The following ZNF461 variants were observed in gnomAD, a reference collection of about 807,000 sequenced individuals.
The protein encoded by ZNF461 is gonadotropin-inducible ovarian transcription factor-1.
In ZNF461, 16 loss-of-function variants were observed where a neutral mutation model predicts 18.3. The observed-to-expected ratio is 0.88, with a 90% CI of 0.59 to 1.33. The LOEUF is 1.33. Ranked by LOEUF, ZNF461 falls within the 40% of genes most tolerant of loss-of-function variation. ZNF461 has a pLI of 0.00. For synonymous variants in ZNF461, 179 were observed against 216.9 expected (o/e 0.83, Z 1.54); for missense variants, 595 against 669.9 (o/e 0.89, Z 1.23).
At chr19:36,663,810 G>A (rs1409111818) in intron 2 of ZNF461, among the ~76,000 whole-genome samples, 1 of 152,064 alleles carries the variant, frequency 6.6e-6, no homozygotes, top group Admixed American at 6.6e-5. Flanking sequence ...AATTACTGGC[G>A]TGAGTCACCG....
chr19:36,663,583 G>C (rs1019137364), intron 2 of ZNF461, among the ~76,000 whole-genome samples: 3 of 144,912 alleles, frequency 2.1e-5, no homozygotes, highest in Admixed American at 7.1e-5. Flanking sequence ...GCAGTGGTGT[G>C]ATCATAGCTC....
rs202104365 is a variant in ZNF461 at position 36,639,918 on chromosome 19, C to T, written c.427G>A (p.Ala143Thr). The T allele has an allele frequency of 2.8e-4, 447 of 1,613,726 alleles. 1 individual carries two copies. The highest frequency in any genetic ancestry group is 1.2e-3 in the Middle Eastern group (7 of 6,082). The change falls in exon 6 of 6, where the codon GCT becomes ACT. Residue 143 changes from alanine (A) to threonine (T), a missense_variant. Ala to Thr is a moderately conservative substitution (Grantham distance 58). Coordinates refer to ENST00000588268, the MANE Select transcript of ZNF461 (RefSeq NM_153257.5). ...SHSPERSIFS[A>T]IWEGNCHFEQ... ...AAATGACAGTTGCCTTCCCAGATAG[C>T]GCTGAAAATTGATCTCTCAGGACTA...
intron 2 of ZNF461, among the ~76,000 whole-genome samples, chr19:36,659,420 TATTGGTAGCATAAC>T (rs1280252505): frequency 1.6e-4 from 24 of 152,340 alleles, no homozygotes; most frequent in Non-Finnish European, 2.2e-4. Context: ...ATATGATTTT[TATTGGTAGCATAAC>T]ATTGGTAGCA....
intron 3 of ZNF461, chr19:36,658,023 T>TA (rs1362837995): frequency 2.8e-5 from 11 of 386,472 alleles, no homozygotes; most frequent in Non-Finnish European, 4.2e-5. Context: ...TTGACAGTGT[T>TA]ATGCTTTAAC....
intron 2 of ZNF461, 30 bp downstream of exon 2, chr19:36,664,668 G>T: frequency 1.3e-6 from 2 of 1,498,324 alleles, no homozygotes; most frequent in Non-Finnish European, 1.8e-6. Flanking sequence ...ATCAAGTATT[G>T]TAATTAGGAG....
At chr19:36,644,688 C>T (rs1045938616) in intron 4 of ZNF461, among the ~76,000 whole-genome samples, 2 of 151,626 alleles carry the variant, frequency 1.3e-5, no homozygotes, top group African/African-American at 2.4e-5. Context: ...CTCTGACTCC[C>T]GGGTTCAAGC....
chr19:36,666,364 G>C (rs945819632), intron 1 of ZNF461, among the ~76,000 whole-genome samples: 2 of 152,016 alleles, frequency 1.3e-5, no homozygotes, highest in African/African-American at 4.8e-5. Context: ...AAAATGCTGG[G>C]ATTACAGGGG....
At chr19:36,660,437 A>G (rs908261347) in intron 2 of ZNF461, among the ~76,000 whole-genome samples, 19 of 152,066 alleles carry the variant, frequency 1.2e-4, no homozygotes, top group African/African-American at 4.1e-4. Flanking sequence ...GGCATGAGCC[A>G]CTGCACCTGG....
chr19:36,654,930 C>T (rs1287119029), intron 4 of ZNF461, among the ~76,000 whole-genome samples: 1 of 152,162 alleles, frequency 6.6e-6, no homozygotes, highest in Non-Finnish European at 1.5e-5. Flanking sequence ...AGATTGAAAA[C>T]GTCTCTATAA....
In ZNF461 at chr19:36,638,304, A is replaced by G; in HGVS notation, c.*349T>C. 1 of 194,998 alleles carries G rather than the reference A, an allele frequency of 5.1e-6. No individual in the cohort carries two copies. Among genetic ancestry groups the G allele is most frequent in the Non-Finnish European group, 1.1e-5 (1 of 94,808 alleles). 12.1% of individuals were successfully genotyped at this position (194,998 alleles called of 1,614,324 possible). ...CTGTGTACAGGTTGTTTGAGCATAA[A>G]GGAAGAAGAAATACACATACTGGTT... On this transcript the variant is annotated 3_prime_UTR_variant, in exon 6 of 6. Coordinates refer to ENST00000588268, the MANE Select transcript of ZNF461 (RefSeq NM_153257.5).
At chr19:36,651,136 C>T (rs1003506055) in intron 4 of ZNF461, among the ~76,000 whole-genome samples, 2 of 148,416 alleles carry the variant, frequency 1.3e-5, no homozygotes, top group Non-Finnish European at 3.0e-5. Context: ...GAGGCTGAGG[C>T]AGGAGAATGG....
At chr19:36,652,150 A>G (rs2037637860) in intron 4 of ZNF461, among the ~76,000 whole-genome samples, 1 of 152,166 alleles carries the variant, frequency 6.6e-6, no homozygotes, top group Non-Finnish European at 1.5e-5. Context: ...ACAACTTTAC[A>G]AAAATTAACA....
intron 4 of ZNF461, among the ~76,000 whole-genome samples, chr19:36,649,044 A>G (rs750738085): frequency 2.0e-5 from 3 of 152,204 alleles, no homozygotes; most frequent in Non-Finnish European, 4.4e-5. Context: ...ACAAAAGTAG[A>G]TCAGATCTTT....
intron 4 of ZNF461, among the ~76,000 whole-genome samples, chr19:36,654,489 C>G (rs967942122): frequency 2.0e-5 from 3 of 152,128 alleles, no homozygotes; most frequent in Non-Finnish European, 4.4e-5. Flanking sequence ...AACTCAGCCC[C>G]TTGAGTAGAT....
intron 5 of ZNF461, among the ~76,000 whole-genome samples, chr19:36,642,014 C>G (rs1461923023): frequency 2.0e-5 from 3 of 152,096 alleles, no homozygotes; most frequent in African/African-American, 7.2e-5. Flanking sequence ...GGCCCGACCT[C>G]CTGAGCTCAA....
intron 4 of ZNF461, among the ~76,000 whole-genome samples, chr19:36,645,906 T>C (rs2037518445): frequency 6.6e-6 from 1 of 152,182 alleles, no homozygotes; most frequent in South Asian, 2.1e-4. Context: ...TGACTCAGCC[T>C]CTTGAGTAGC....
intron 4 of ZNF461, among the ~76,000 whole-genome samples, chr19:36,647,686 C>A (rs1473816437): frequency 6.6e-6 from 1 of 152,096 alleles, no homozygotes; most frequent in Non-Finnish European, 1.5e-5. Context: ...AATTACCATA[C>A]TGTTTTCCAT....
At chr19:36,651,697 T>A (rs906350287) in intron 4 of ZNF461, among the ~76,000 whole-genome samples, 1 of 152,208 alleles carries the variant, frequency 6.6e-6, no homozygotes, top group Non-Finnish European at 1.5e-5. Context: ...CAAAAATATT[T>A]GGAGAGGCAC....
At chr19:36,658,540 G>A in intron 2 of ZNF461, 115 bp from the exon 3 acceptor site, 1 of 1,044,708 alleles carries the variant, frequency 9.6e-7, no homozygotes, top group Admixed American at 2.8e-5. Flanking sequence ...TGAATATATA[G>A]GCTAAGCCTG....
Sources: allele counts gnomAD v4.1 joint callset (sites outside exome capture counted in the v4.1 genomes callset), GRCh38; gene constraint gnomAD v4.1.1; transcripts MANE v1.5; gene names NCBI Gene and HGNC (gene_info 2026-07-23, HGNC 2026-07-21).